The following PRMT6 variants were observed in gnomAD, a reference collection of about 807,000 sequenced individuals.
PRMT6 encodes the protein protein arginine methyltransferase 6.
PRMT6 carries 23 observed loss-of-function variants against 30.5 expected under a neutral mutation model. The observed-to-expected ratio is 0.75, with a 90% confidence interval of 0.54 to 1.07. The LOEUF (loss-of-function observed/expected upper bound fraction) is 1.07. Among genes scored for constraint, PRMT6 ranks in the 50% least tolerant of loss-of-function variants. The probability of loss-of-function intolerance (pLI) is 0.00; values close to 1 mark genes in which losing one functional copy is unlikely to be tolerated. For missense variants in PRMT6, 528 were observed against 514.3 expected (o/e 1.03, Z -0.26); for synonymous variants, 265 against 228.0 (o/e 1.16, Z -1.46).
chr1:107,058,526 A>G lies in PRMT6; in HGVS notation c.*683A>G, dbSNP rs1651783232. ...AGTAAAATGGACTTTGTAATTGTAC[A>G]GCATACCTAAGAAACTCAGAAGGTG... On this transcript the variant is annotated 3_prime_UTR_variant, in exon 1 of 1. Transcript: ENST00000370078. The G allele has an allele frequency of 1.2e-5, 2 of 167,486 alleles. No homozygotes were observed. Among genetic ancestry groups the G allele is most frequent in the Non-Finnish European group, 2.9e-5 (2 of 68,396 alleles). 10.4% of individuals were successfully genotyped at this position (167,486 alleles called of 1,614,324 possible).
In PRMT6 at chr1:107,058,341, C is replaced by T. The variant is rs1651778749; in HGVS notation, c.*498C>T. ...GAATTAATTCCCCCTCCCTAGGTGC[C>T]TGTAGGCTATGGTACTTCTTCCTCA... On this transcript the variant is annotated 3_prime_UTR_variant, in exon 1 of 1. Transcript: ENST00000370078. 2 of 202,978 alleles carry T rather than the reference C, an allele frequency of 9.9e-6. No individual in the cohort carries two copies. The highest frequency in any genetic ancestry group is 2.5e-3 in the Middle Eastern group (1 of 396). 12.6% of individuals were successfully genotyped at this position (202,978 alleles called of 1,614,324 possible).
chr1:107,057,667 T>A lies in PRMT6; in HGVS notation c.952T>A (p.Trp318Arg). The A allele has an allele frequency of 6.2e-7, 1 of 1,614,224 alleles. No individual in the cohort carries two copies. Among genetic ancestry groups the A allele is most frequent in the African/African-American group, 1.3e-5 (1 of 75,070 alleles). The stretch of plus-strand genomic sequence containing the variant: ...CTCGCCTTTTCACCCGGCCACTCAC[T>A]GGAAACAGGCGCTCCTCTACCTGAA... ...STSPFHPATH[W>R]KQALLYLNEP... The change falls in exon 1 of 1, where the codon TGG becomes AGG. Residue 318 changes from tryptophan (W) to arginine (R), a missense_variant. By Grantham distance (101) the Trp-to-Arg change is moderately radical. Transcript: ENST00000370078.
rs373225182 is a variant in PRMT6, at chr1:107,057,230, A to G, written c.515A>G (p.His172Arg). Residue 172 changes from histidine to arginine, a missense_variant, in exon 1 of 1, where the codon CAC (histidine) becomes CGC (arginine). By Grantham distance (29) the His-to-Arg change is conservative. Coordinates refer to ENST00000370078, the MANE Select transcript of PRMT6 (RefSeq NM_018137.3). ...LHESMLSSVLHARTKWLKEGG... is the reference protein window; with the variant it reads ...LHESMLSSVLRARTKWLKEGG... ...GAGTCCATGCTGAGCTCCGTCCTCC[A>G]CGCGCGAACCAAGTGGCTGAAGGAG... 3.7e-5 allele frequency: 59 copies of G among 1,613,896 alleles called. 1 individual carries two copies. In the Middle Eastern group the frequency reaches 8.2e-4, roughly 23 times the overall value.
rs1349478405 is a variant in PRMT6, at chr1:107,057,120, C to T, written c.405C>T (p.Val135=). Residue 135 remains valine, a synonymous_variant, in exon 1 of 1, where the codon GTC becomes GTT. Coordinates refer to ENST00000370078, the MANE Select transcript of PRMT6 (RefSeq NM_018137.3). The stretch of plus-strand genomic sequence containing the variant: ...ACGGGCTGGAGGACCGGGTGCACGT[C>T]CTGCCGGGACCAGTGGAGACTGTAG... ...RFNGLEDRVH[V]LPGPVETVEL... The T allele has an allele frequency of 1.7e-5, 28 of 1,607,110 alleles. No individual in the cohort carries two copies. Among genetic ancestry groups the T allele is most frequent in the Non-Finnish European group, 2.4e-5 (28 of 1,179,882 alleles).
Position 107,057,838 on chromosome 1 carries a change from G to A in PRMT6, c.1123G>A (p.Asp375Asn). The A allele has an allele frequency of 6.4e-7, 1 of 1,571,092 alleles. No individual in the cohort carries two copies. Among genetic ancestry groups the A allele is most frequent in the Non-Finnish European group, 8.6e-7 (1 of 1,157,336 alleles). The change falls in exon 1 of 1, where the codon GAC becomes AAC. Residue 375 changes from aspartate to asparagine, a missense_variant. By Grantham distance (23) the Asp-to-Asn change is conservative. Transcript: ENST00000370078. ...GAAGACCAAAGACTTTGCCATGGAGGACTGAGCGTTGCCTTTTCTCCCAGC... is the reference window on the plus strand; with the variant it reads ...GAAGACCAAAGACTTTGCCATGGAGAACTGAGCGTTGCCTTTTCTCCCAGC... The part of the protein sequence containing the change: ...EEKTKDFAME[D>N]
rs1261374596 is a variant in PRMT6, at chr1:107,056,911, C to T, written c.196C>T (p.Arg66Cys). ...VHEEMIADRV[R>C]TDAYRLGILR... ...CGAGGAGATGATCGCGGACCGCGTCCGCACCGATGCCTACCGCCTGGGTAT... is the reference window on the plus strand; with the variant it reads ...CGAGGAGATGATCGCGGACCGCGTCTGCACCGATGCCTACCGCCTGGGTAT... The change falls in exon 1 of 1, where the codon CGC becomes TGC. Residue 66 changes from arginine (R) to cysteine (C), a missense_variant. By Grantham distance (180) the Arg-to-Cys change is radical. Coordinates refer to ENST00000370078, the MANE Select transcript of PRMT6 (RefSeq NM_018137.3). The T allele has an allele frequency of 6.2e-7, 1 of 1,611,868 alleles. No homozygotes were observed. Among genetic ancestry groups the T allele is most frequent in the South Asian group, 1.1e-5 (1 of 90,868 alleles).
rs773355841 is a variant in PRMT6 at position 107,057,270 on chromosome 1, G to C, written c.555G>C (p.Leu185=). 1 of 1,614,034 alleles carries C rather than the reference G, an allele frequency of 6.2e-7. No individual in the cohort carries two copies. The highest frequency in any genetic ancestry group is 1.1e-5 in the South Asian group (1 of 91,088). The stretch of plus-strand genomic sequence containing the variant: ...GGCTGAAGGAGGGCGGTCTTCTCCT[G>C]CCGGCCTCCGCCGAGCTCTTCATAG... ...TKWLKEGGLL[L]PASAELFIAP... is the part of the protein sequence containing the mutation. Residue 185 remains leucine, a synonymous_variant, in exon 1 of 1, where the codon CTG becomes CTC. Transcript: ENST00000370078.
At position 107,056,951 on chromosome 1, in the gene PRMT6, C is replaced by T. The variant is rs368599166; in HGVS notation, c.236C>T (p.Ala79Val). ...AYRLGILRNW[A>V]ALRGKTVLDV... ...CGCCTGGGTATCCTTCGGAACTGGG[C>T]AGCACTGCGAGGCAAGACGGTACTG... Residue 79 changes from alanine to valine, a missense_variant, in exon 1 of 1, where the codon GCA becomes GTA. Coordinates refer to ENST00000370078, the MANE Select transcript of PRMT6 (RefSeq NM_018137.3). 1.7e-5 allele frequency: 28 copies of T among 1,612,362 alleles called. No homozygotes were observed. Among genetic ancestry groups the T allele is most frequent in the Non-Finnish European group, 2.4e-5 (28 of 1,179,052 alleles).
chr1:107,058,080 G>A lies in PRMT6; in HGVS notation c.*237G>A. Reference sequence around the variant, plus strand: ...AACGGATACAGCGTGCTTATTATTGGGCATTTAGCCTCAAAAGCATGTAGT... The same window carrying A: ...AACGGATACAGCGTGCTTATTATTGAGCATTTAGCCTCAAAAGCATGTAGT... On this transcript the variant is annotated 3_prime_UTR_variant, in exon 1 of 1. Coordinates refer to ENST00000370078, the MANE Select transcript of PRMT6 (RefSeq NM_018137.3). The A allele has an allele frequency of 1.7e-6, 1 of 605,288 alleles. No homozygotes were observed. 37.5% of individuals were successfully genotyped at this position (605,288 alleles called of 1,614,324 possible). A position where few individuals can be genotyped will look rare whatever the true frequency, so the allele number is the denominator to read the frequency against.
Position 107,056,759 on chromosome 1 carries a change from G to A in PRMT6, c.44G>A (p.Gly15Asp). The change falls in exon 1 of 1, where the codon GGC becomes GAC. Residue 15 changes from glycine to aspartate, a missense_variant. By Grantham distance (94) the Gly-to-Asp change is moderately conservative. Coordinates refer to ENST00000370078, the MANE Select transcript of PRMT6 (RefSeq NM_018137.3). ...AGAAAGCTTGAGTCGGGGGGCGGCG[G>A]CGAAGGAGGGGAGGGAACTGAAGAG... The part of the protein sequence containing the change: ...KKRKLESGGG[G>D]EGGEGTEEED... 1 of 1,545,086 alleles carries A rather than the reference G, an allele frequency of 6.5e-7. No homozygotes were observed. Among genetic ancestry groups the A allele is most frequent in the Non-Finnish European group, 8.7e-7 (1 of 1,144,198 alleles).
At position 107,057,451 on chromosome 1, in the gene PRMT6, G is replaced by A. The variant is rs779702003; in HGVS notation, c.736G>A (p.Val246Met). ...IVVQGLSGED[V>M]LARPQRFAQL... is the part of the protein sequence containing the mutation. ...TGTGCAGGGATTGTCCGGCGAGGAC[G>A]TGCTGGCCCGGCCGCAGCGCTTTGC... Residue 246 changes from valine (V) to methionine (M), a missense_variant, in exon 1 of 1, where the codon GTG becomes ATG. Val to Met is a conservative substitution (Grantham distance 21). Transcript: ENST00000370078. 4 of 1,613,062 alleles carry A rather than the reference G, an allele frequency of 2.5e-6. No homozygotes were observed. The highest frequency in any genetic ancestry group is 3.3e-5 in the Admixed American group (2 of 60,022).
Position 107,057,319 on chromosome 1 carries a change from G to C in PRMT6, c.604G>C (p.Glu202Gln), listed in dbSNP as rs756869283. The C allele has an allele frequency of 2.5e-6, 4 of 1,613,984 alleles. No individual in the cohort carries two copies. In the South Asian group the frequency reaches 4.4e-5, roughly 18 times the overall value. ...FIAPISDQML[E>Q]WRLGFWSQVK... ...AGCCCCCATCAGCGACCAGATGCTG[G>C]AATGGCGCCTGGGCTTCTGGAGCCA... is the stretch of plus-strand genomic sequence containing the variant. Residue 202 changes from glutamate to glutamine, a missense_variant, in exon 1 of 1, where the codon GAA becomes CAA. By Grantham distance (29) the Glu-to-Gln change is conservative. Transcript: ENST00000370078.
Position 107,056,989 on chromosome 1 carries a change from G to A in PRMT6, c.274G>A (p.Gly92Ser). 1 of 1,613,652 alleles carries A rather than the reference G, an allele frequency of 6.2e-7. No homozygotes were observed. The highest frequency in any genetic ancestry group is 1.1e-5 in the South Asian group (1 of 90,980). ...RGKTVLDVGA[G>S]TGILSIFCAQ... is the part of the protein sequence containing the mutation. Reference sequence around the variant, plus strand: ...CAAGACGGTACTGGACGTGGGCGCGGGCACCGGCATTCTGAGCATCTTCTG... The same window carrying A: ...CAAGACGGTACTGGACGTGGGCGCGAGCACCGGCATTCTGAGCATCTTCTG... The change falls in exon 1 of 1, where the codon GGC becomes AGC. Residue 92 changes from glycine (G) to serine (S), a missense_variant. Gly to Ser is a moderately conservative substitution (Grantham distance 56, BLOSUM62 0). Coordinates refer to ENST00000370078, the MANE Select transcript of PRMT6 (RefSeq NM_018137.3).
rs543007352 is a variant in PRMT6, at chr1:107,056,751, G to A, written c.36G>A (p.Gly12=). 1 of 1,541,442 alleles carries A rather than the reference G, an allele frequency of 6.5e-7. No homozygotes were observed. Among genetic ancestry groups the A allele is most frequent in the Admixed American group, 2.0e-5 (1 of 49,474 alleles). The change falls in exon 1 of 1, where the codon GGG becomes GGA. Residue 12 remains glycine (G), a synonymous_variant. Coordinates refer to ENST00000370078, the MANE Select transcript of PRMT6 (RefSeq NM_018137.3). The stretch of plus-strand genomic sequence containing the variant: ...CCAAGAAAAGAAAGCTTGAGTCGGG[G>A]GGCGGCGGCGAAGGAGGGGAGGGAA... ...SQPKKRKLES[G]GGGEGGEGTE...
chr1:107,057,607 G>C lies in PRMT6; in HGVS notation c.892G>C (p.Gly298Arg), dbSNP rs367981568. Residue 298 changes from glycine (G) to arginine (R), a missense_variant, in exon 1 of 1, where the codon GGA becomes CGA. Coordinates refer to ENST00000370078, the MANE Select transcript of PRMT6 (RefSeq NM_018137.3). ...FAIWFQVTFP[G>R]GESEKPLVLS... is the part of the protein sequence containing the mutation. ...CATCTGGTTCCAGGTGACCTTCCCT[G>C]GAGGGGAGTCGGAGAAACCCCTGGT... 1.6e-5 allele frequency: 26 copies of C among 1,614,078 alleles called. No individual in the cohort carries two copies. The African/African-American group carries it at 3.2e-4, about 20-fold the overall frequency.
At position 107,058,695 on chromosome 1, in the gene PRMT6, A is replaced by C. The variant is rs971577811; in HGVS notation, c.*852A>C. The C allele has an allele frequency of 2.4e-5, 4 of 167,136 alleles. No individual in the cohort carries two copies. The highest frequency in any genetic ancestry group is 4.4e-5 in the Non-Finnish European group (3 of 68,128). The allele number at this position is 167,136 out of a possible 1,614,324, so 10.4% of individuals were successfully genotyped here. A position where few individuals can be genotyped will look rare whatever the true frequency, so the allele number is the denominator to read the frequency against. ...AACAGGCTGGTAGAGGAGGTTTCTGAGCCTAGCCCAAGGGCTTATTCATCA... is the reference window on the plus strand; with the variant it reads ...AACAGGCTGGTAGAGGAGGTTTCTGCGCCTAGCCCAAGGGCTTATTCATCA... On this transcript the variant is annotated 3_prime_UTR_variant, in exon 1 of 1. Transcript: ENST00000370078.
rs1270024667 is a variant in PRMT6 at position 107,056,772 on chromosome 1, G to A, written c.57G>A (p.Glu19=). The A allele has an allele frequency of 3.9e-6, 6 of 1,556,528 alleles. No homozygotes were observed. Among genetic ancestry groups the A allele is most frequent in the South Asian group, 1.2e-5 (1 of 84,866 alleles). Residue 19 remains glutamate, a synonymous_variant, in exon 1 of 1, where the codon GAG becomes GAA. Transcript: ENST00000370078. The part of the protein sequence containing the change: ...LESGGGGEGG[E]GTEEEDGAER... ...CGGGGGGCGGCGGCGAAGGAGGGGAGGGAACTGAAGAGGAAGATGGCGCGG... is the reference window on the plus strand; with the variant it reads ...CGGGGGGCGGCGGCGAAGGAGGGGAAGGAACTGAAGAGGAAGATGGCGCGG...
chr1:107,056,818 C>A lies in PRMT6; in HGVS notation c.103C>A (p.Arg35=). 1 of 1,597,216 alleles carries A rather than the reference C, an allele frequency of 6.3e-7. No homozygotes were observed. The highest frequency in any genetic ancestry group is 8.5e-7 in the Non-Finnish European group (1 of 1,171,810). Residue 35 remains arginine, a synonymous_variant, in exon 1 of 1, where the codon CGA becomes AGA. Coordinates refer to ENST00000370078, the MANE Select transcript of PRMT6 (RefSeq NM_018137.3). ...CGCGGAGCGGGAGGCGGCCCTGGAG[C>A]GACCCCGGAGGACTAAGCGGGAACG... ...DGAEREAALE[R]PRRTKRERDQ...
Position 107,057,158 on chromosome 1 carries a change from A to T in PRMT6, c.443A>T (p.Gln148Leu), listed in dbSNP as rs772792320. 6.2e-7 allele frequency: 1 copy of T among 1,608,928 alleles called. No individual in the cohort carries two copies. The highest frequency in any genetic ancestry group is 2.2e-5 in the East Asian group (1 of 44,850). ...GPVETVELPE[Q>L]VDAIVSEWMG... is the part of the protein sequence containing the mutation. ...GTGGAGACTGTAGAGTTGCCGGAAC[A>T]GGTGGATGCCATCGTGAGCGAGTGG... The change falls in exon 1 of 1, where the codon CAG (glutamine) becomes CTG (leucine). Residue 148 changes from glutamine to leucine, a missense_variant. Transcript: ENST00000370078.
Sources: gnomAD v4.1 joint callset for allele counts on GRCh38, gnomAD v4.1.1 for gene constraint, MANE v1.5 for transcripts, NCBI Gene and HGNC (gene_info 2026-07-23, HGNC 2026-07-21) for gene names.